The following ASTN2 variants were observed in gnomAD, a reference collection of about 807,000 sequenced individuals.
ASTN2 encodes the protein astrotactin-2.
Under a neutral mutation model 139.8 loss-of-function variants are expected in ASTN2, and 54 were observed. The observed-to-expected ratio is 0.39, with a 90% confidence interval of 0.31 to 0.48. The LOEUF (loss-of-function observed/expected upper bound fraction) is 0.48, where lower values mean the gene tolerates loss of function less well. Ranked by LOEUF, ASTN2 falls within the 20% of genes least tolerant of loss-of-function variation. The pLI, the probability that ASTN2 is intolerant of heterozygous loss-of-function variation, is 0.95. For missense variants in ASTN2, 1,565 were observed against 1,725.1 expected, an observed-to-expected ratio of 0.91 and a Z score of 1.64; for synonymous variants, 756 against 719.5, an observed-to-expected ratio of 1.05 and a Z score of -0.81.
At chr9:117,119,400 T>C (rs1330161410) in intron 4 of ASTN2, among the ~76,000 whole-genome samples, 2 of 152,182 alleles carry the variant, frequency 1.3e-5, no homozygotes, top group African/African-American at 4.8e-5. Flanking sequence ...ATGCCCAAGC[T>C]TCCTGTAGCC....
At chr9:117,295,612 T>C (rs1481915288) in intron 1 of ASTN2, among the ~76,000 whole-genome samples, 1 of 151,738 alleles carries the variant, frequency 6.6e-6, no homozygotes, top group Non-Finnish European at 1.5e-5. Flanking sequence ...TATATTTCAG[T>C]GATTTGGTAT....
intron 1 of ASTN2, among the ~76,000 whole-genome samples, chr9:117,328,334 T>C (rs943967261): frequency 1.3e-5 from 2 of 152,042 alleles, no homozygotes; most frequent in African/African-American, 4.8e-5. Context: ...TCTCTCAGCC[T>C]AGGAGGATAG....
intron 1 of ASTN2, among the ~76,000 whole-genome samples, chr9:117,307,676 G>A (rs1414771620): frequency 1.3e-5 from 2 of 152,152 alleles, no homozygotes; most frequent in Non-Finnish European, 2.9e-5. Context: ...ACCTTCATGG[G>A]CAGACATATG....
rs369400081 is a variant in ASTN2 at position 116,820,667 on chromosome 9, C to T, written c.2157G>A (p.Thr719=). 13 of 1,614,040 alleles carry T rather than the reference C, an allele frequency of 8.1e-6. No homozygotes were observed. Among genetic ancestry groups the T allele is most frequent in the East Asian group, 2.2e-5 (1 of 44,882 alleles). ...AAGTGGCATCGTAGGGCAGGGGCAG[C>T]GTCTGCTGCAGGCACAGCTGCTCAC... ...GGCEQLCLQQ[T]LPLPYDATSS... The change falls in exon 12 of 23, where the codon ACG becomes ACA. Residue 719 remains threonine, a synonymous_variant. Transcript: ENST00000313400.
chr9:117,078,139 GTCT>G (rs1375667483), intron 5 of ASTN2, among the ~76,000 whole-genome samples: 7 of 152,132 alleles, frequency 4.6e-5, no homozygotes, highest in African/African-American at 1.7e-4. Flanking sequence ...CCACACCCAA[GTCT>G]TCTTGTATCC....
chr9:116,564,068 A>T (rs1349327102), intron 19 of ASTN2, among the ~76,000 whole-genome samples: 2 of 152,232 alleles, frequency 1.3e-5, no homozygotes, highest in African/African-American at 4.8e-5. Flanking sequence ...TGTCTATTTT[A>T]CAGTTGAGTA....
intron 19 of ASTN2, among the ~76,000 whole-genome samples, chr9:116,553,151 A>G (rs1307630315): frequency 1.3e-5 from 2 of 151,978 alleles, no homozygotes; most frequent in South Asian, 2.1e-4. Flanking sequence ...TCTTTTTTTA[A>G]TGGTTTGCTG....
intron 2 of ASTN2, among the ~76,000 whole-genome samples, chr9:117,217,436 G>T (rs1232041662): frequency 6.6e-6 from 1 of 152,164 alleles, no homozygotes; most frequent in Non-Finnish European, 1.5e-5. Flanking sequence ...ACCTAGGAAA[G>T]ATGAGGCCTA....
chr9:116,960,978 T>C (rs1888288), intron 10 of ASTN2, among the ~76,000 whole-genome samples: 65,336 of 151,380 alleles, frequency 0.43, 14,708 homozygotes, highest in African/African-American at 0.55. Flanking sequence ...CTCAGTCCGG[T>C]CACACCTAGG....
Position 116,711,494 on chromosome 9 carries a change from C to G in ASTN2, c.2806+14277G>C, listed in dbSNP as rs1222607402. ...CTTCAATCATGTATGCAGCTACATA[C>G]CAAACTGTATTTTTCATGTCTTACC... On this transcript the variant is annotated intron_variant, in intron 16 of 22. Transcript: ENST00000313400. Among the ~76,000 whole-genome samples the G allele has an allele frequency of 3.3e-5, 5 of 152,166 alleles. No homozygotes were observed. In the East Asian group the frequency reaches 7.7e-4, roughly 23 times the overall value.
intron 11 of ASTN2, among the ~76,000 whole-genome samples, chr9:116,852,596 C>T (rs925112520): frequency 1.3e-5 from 2 of 152,084 alleles, no homozygotes; most frequent in Non-Finnish European, 2.9e-5. Flanking sequence ...TGGGTCAAGA[C>T]TTCTTAAAGC....
chr9:116,951,169 C>G (rs4413846), intron 10 of ASTN2, among the ~76,000 whole-genome samples: 1 of 151,736 alleles, frequency 6.6e-6, no homozygotes, highest in South Asian at 2.1e-4. Flanking sequence ...GAAACCCTGT[C>G]TCTACTAAAA....
At chr9:116,693,399 G>GA (rs1176932248) in intron 16 of ASTN2, among the ~76,000 whole-genome samples, 2 of 152,150 alleles carry the variant, frequency 1.3e-5, no homozygotes, top group Non-Finnish European at 2.9e-5. Flanking sequence ...ATGGAATGGG[G>GA]AAAACCCAGT....
At chr9:116,544,703 G>A (rs542656167) in intron 19 of ASTN2, among the ~76,000 whole-genome samples, 1 of 152,248 alleles carries the variant, frequency 6.6e-6, no homozygotes, top group South Asian at 2.1e-4. Flanking sequence ...TGACACCAAA[G>A]GTCACACTTT....
At chr9:117,337,871 G>C (rs565956739) in intron 1 of ASTN2, among the ~76,000 whole-genome samples, 1 of 152,094 alleles carries the variant, frequency 6.6e-6, no homozygotes. Flanking sequence ...TCATGACCTC[G>C]GGCAAGCCAA....
Position 116,487,373 on chromosome 9 carries a change from G to A in ASTN2, c.3483C>T (p.Pro1161=), listed in dbSNP as rs763454702. 1.4e-5 allele frequency: 23 copies of A among 1,613,806 alleles called. No individual in the cohort carries two copies. The highest frequency in any genetic ancestry group is 1.7e-5 in the Non-Finnish European group (20 of 1,179,888). ...IYSVIFKCLE[P]DGLYKFTLYA... ...ACACATCTTACTTGTAGAGACCGTC[G>A]GGCTCCAGACACTTGAAGATGACTG... The change falls in exon 20 of 23, where the codon CCC becomes CCT. Residue 1161 remains proline (P), a synonymous_variant. Coordinates refer to ENST00000313400, the MANE Select transcript of ASTN2 (RefSeq NM_001365068.1).
intron 3 of ASTN2, among the ~76,000 whole-genome samples, chr9:117,193,147 A>T (rs187508942): frequency 1.2e-4 from 18 of 152,356 alleles, no homozygotes; most frequent in African/African-American, 4.3e-4. Flanking sequence ...AAGAATCAGG[A>T]AGTAAATGCA....
chr9:117,065,832 A>T (rs1455680188), intron 5 of ASTN2, among the ~76,000 whole-genome samples: 3 of 152,148 alleles, frequency 2.0e-5, no homozygotes, highest in Non-Finnish European at 4.4e-5. Flanking sequence ...AGGTGGTATA[A>T]TATCAAAAAT....
chr9:116,485,725 A>T lies in ASTN2; in HGVS notation c.3497+1634T>A, dbSNP rs113300542. Among the ~76,000 whole-genome samples, 600 of 152,356 alleles carry T rather than the reference A, an allele frequency of 3.9e-3. 2 individuals are homozygous for T. Among genetic ancestry groups the T allele is most frequent in the African/African-American group, 0.014 (576 of 41,582 alleles). On this transcript the variant is annotated intron_variant, in intron 20 of 22. Coordinates refer to ENST00000313400, the MANE Select transcript of ASTN2 (RefSeq NM_001365068.1). ...TTTACTTTGAAGATTCCATTCCTAG[A>T]GCATTCACTGCCCCCCAGGTGACTT...
Sources: gnomAD v4.1 joint callset for allele counts (sites outside exome capture counted in the v4.1 genomes callset) on GRCh38, gnomAD v4.1.1 for gene constraint, MANE v1.5 for transcripts, NCBI Gene and HGNC (gene_info 2026-07-23, HGNC 2026-07-21) for gene names.